The following HTR1F variants were observed in gnomAD, a reference collection of about 807,000 sequenced individuals.
HTR1F encodes 5-hydroxytryptamine receptor 1F.
A neutral mutation model predicts 24.0 loss-of-function variants in HTR1F; 17 were observed. The observed-to-expected ratio is 0.71, with a 90% CI of 0.48 to 1.06. The LOEUF (loss-of-function observed/expected upper bound fraction) is 1.06. Ranked by LOEUF, HTR1F falls within the 50% of genes least tolerant of loss-of-function variation. The pLI is 0.00. For missense variants in HTR1F, 391 were observed against 427.8 expected, an observed-to-expected ratio of 0.91 and a Z score of 0.76; for synonymous variants, 186 against 156.8, an observed-to-expected ratio of 1.19 and a Z score of -1.39.
At chr3:87,948,020 T>C (rs1441437939) in intron 2 of HTR1F, among the ~76,000 whole-genome samples, 1 of 152,092 alleles carries the variant, frequency 6.6e-6, no homozygotes, top group Non-Finnish European at 1.5e-5. Flanking sequence ...GTGAAAAAAA[T>C]CCTATCTAAT....
intron 2 of HTR1F, among the ~76,000 whole-genome samples, chr3:87,933,427 G>A (rs1704333546): frequency 1.3e-5 from 2 of 152,180 alleles, no homozygotes; most frequent in South Asian, 4.1e-4. Context: ...CCTCTTTGCA[G>A]ACGACATGAT....
intron 2 of HTR1F, among the ~76,000 whole-genome samples, chr3:87,849,011 C>T (rs1420134407): frequency 6.6e-6 from 1 of 151,556 alleles, no homozygotes; most frequent in East Asian, 1.9e-4. Flanking sequence ...AGAATCAATA[C>T]CGTGAAAATG....
At chr3:87,831,012 G>A (rs965191822) in intron 2 of HTR1F, among the ~76,000 whole-genome samples, 3 of 152,114 alleles carry the variant, frequency 2.0e-5, no homozygotes, top group African/African-American at 7.2e-5. Context: ...CCTATTCAGT[G>A]CAATATCCTC....
intron 2 of HTR1F, among the ~76,000 whole-genome samples, chr3:87,887,726 T>C (rs1705984269): frequency 6.6e-6 from 1 of 152,144 alleles, no homozygotes; most frequent in South Asian, 2.1e-4. Context: ...AAATTGCTCA[T>C]CATCACTGGT....
At chr3:87,931,025 CCTTTTTTT>C (rs1437887532) in intron 2 of HTR1F, among the ~76,000 whole-genome samples, 1 of 59,962 alleles carries the variant, frequency 1.7e-5, no homozygotes, top group Non-Finnish European at 3.6e-5. Flanking sequence ...CATAGTCTTT[CCTTTTTTT>C]TTTTTTTTTT....
chr3:87,814,135 G>A (rs776935563), intron 1 of HTR1F, among the ~76,000 whole-genome samples: 6 of 152,108 alleles, frequency 3.9e-5, no homozygotes, highest in African/African-American at 1.4e-4. Flanking sequence ...AGTAATGAAT[G>A]ACGCAATGTG....
At chr3:87,936,883 CA>C (rs1356852496) in intron 2 of HTR1F, among the ~76,000 whole-genome samples, 1 of 150,310 alleles carries the variant, frequency 6.7e-6, no homozygotes, top group Admixed American at 6.6e-5. Context: ...CTAGAAGAGA[CA>C]AAGAAATTCC....
chr3:87,949,682 G>A (rs920954064), intron 2 of HTR1F, among the ~76,000 whole-genome samples: 9 of 151,960 alleles, frequency 5.9e-5, no homozygotes, highest in African/African-American at 1.2e-4. Context: ...AACCCACACC[G>A]TCTCCTTTTA....
At chr3:87,816,067 T>C (rs1189680979) in intron 1 of HTR1F, among the ~76,000 whole-genome samples, 2 of 152,004 alleles carry the variant, frequency 1.3e-5, no homozygotes, top group Non-Finnish European at 2.9e-5. Context: ...GACAGGAAAA[T>C]GTGATTAAGG....
At chr3:87,893,281 G>C (rs551540622) in intron 2 of HTR1F, among the ~76,000 whole-genome samples, 42 of 152,078 alleles carry the variant, frequency 2.8e-4, no homozygotes, top group Non-Finnish European at 1.6e-4. Context: ...CAAAATTGTT[G>C]GTATCAACCC....
chr3:87,967,113 T>C (rs1181864160), intron 2 of HTR1F, among the ~76,000 whole-genome samples: 1 of 152,164 alleles, frequency 6.6e-6, no homozygotes, highest in African/African-American at 2.4e-5. Flanking sequence ...TTGAATGACA[T>C]TTGTTTAACT....
At chr3:87,940,879 T>C (rs964910860) in intron 2 of HTR1F, among the ~76,000 whole-genome samples, 10 of 152,242 alleles carry the variant, frequency 6.6e-5, no homozygotes, top group Admixed American at 3.3e-4. Context: ...ATTCATATCA[T>C]GAGATGTCCA....
chr3:87,822,847 T>C (rs1704385919), intron 2 of HTR1F, among the ~76,000 whole-genome samples: 1 of 152,236 alleles, frequency 6.6e-6, no homozygotes, highest in African/African-American at 2.4e-5. Context: ...AGTGCCCTAA[T>C]ATCTTTATTC....
intron 2 of HTR1F, among the ~76,000 whole-genome samples, chr3:87,871,749 G>T (rs1705563251): frequency 6.6e-6 from 1 of 152,086 alleles, no homozygotes; most frequent in Non-Finnish European, 1.5e-5. Context: ...CCAGAAGGGA[G>T]CACCCAAATA....
At chr3:87,894,645 G>T (rs1706161459) in intron 2 of HTR1F, among the ~76,000 whole-genome samples, 1 of 132,482 alleles carries the variant, frequency 7.5e-6, no homozygotes. Context: ...CAAAATAAAA[G>T]TAAAAAGCAA....
intron 2 of HTR1F, among the ~76,000 whole-genome samples, chr3:87,947,850 C>T (rs1367218416): frequency 3.3e-5 from 5 of 151,896 alleles, no homozygotes; most frequent in Non-Finnish European, 7.4e-5. Context: ...TAATGAAATG[C>T]TAATATATCT....
intron 2 of HTR1F, among the ~76,000 whole-genome samples, chr3:87,914,418 T>C (rs1361207981): frequency 6.6e-6 from 1 of 152,250 alleles, no homozygotes; most frequent in Middle Eastern, 3.4e-3. Flanking sequence ...AAATCCCTTT[T>C]CTTTCACAGC....
At chr3:87,966,377 T>C (rs1178881446) in intron 2 of HTR1F, among the ~76,000 whole-genome samples, 1 of 152,210 alleles carries the variant, frequency 6.6e-6, no homozygotes, top group African/African-American at 2.4e-5. Context: ...TCAGAACTGT[T>C]ACATAACTAA....
chr3:87,850,446 C>G (rs528037449), intron 2 of HTR1F, among the ~76,000 whole-genome samples: 21 of 151,590 alleles, frequency 1.4e-4, no homozygotes, highest in Non-Finnish European at 2.5e-4. Context: ...CATCACACAC[C>G]GGGGCCTGTT....
Sources: gnomAD v4.1 joint callset for allele counts (sites outside exome capture counted in the v4.1 genomes callset) on GRCh38, gnomAD v4.1.1 for gene constraint, MANE v1.5 for transcripts, NCBI Gene and HGNC (gene_info 2026-07-23, HGNC 2026-07-21) for gene names.